Variants in RAB11FIP4 observed in about 807,000 individuals in gnomAD.
RAB11FIP4 encodes rab11 family-interacting protein 4.
A neutral mutation model predicts 74.3 loss-of-function variants in RAB11FIP4; 23 were observed. The ratio of observed to expected loss-of-function variants is 0.31; its 90% CI spans 0.22 to 0.44. The LOEUF (loss-of-function observed/expected upper bound fraction) is 0.44. Ranked by LOEUF, RAB11FIP4 falls within the 20% of genes least tolerant of loss-of-function variation. The pLI is 1.00. For synonymous variants in RAB11FIP4, 360 were observed against 359.9 expected, an observed-to-expected ratio of 1.00 and a Z score of 0.00; for missense variants, 630 against 863.9, an observed-to-expected ratio of 0.73 and a Z score of 3.39.
At chr17:31,478,262 G>A (rs1567669296) in intron 3 of RAB11FIP4, among the ~76,000 whole-genome samples, 1 of 152,132 alleles carries the variant, frequency 6.6e-6, no homozygotes, top group Non-Finnish European at 1.5e-5. Context: ...CAAAGTGCTG[G>A]GATTACAGGC....
chr17:31,530,582 C>T lies in RAB11FIP4; in HGVS notation c.1797+113C>T, dbSNP rs1196245620. On this transcript the variant is annotated intron_variant, in intron 14 of 14. Coordinates refer to ENST00000621161, the MANE Select transcript of RAB11FIP4 (RefSeq NM_032932.6). The stretch of plus-strand genomic sequence containing the variant: ...CAGACCAGGGCCTGGCAGAGAGTCC[C>T]ATCTACAGCTACCCCACATGACAGG... The T allele has an allele frequency of 3.0e-6, 4 of 1,352,668 alleles. No homozygotes were observed. The South Asian group carries it at 5.3e-5, about 18-fold the overall frequency. 83.8% of individuals were successfully genotyped at this position (1,352,668 alleles called of 1,614,324 possible).
At chr17:31,466,401 C>G (rs1284722003) in intron 3 of RAB11FIP4, among the ~76,000 whole-genome samples, 1 of 152,092 alleles carries the variant, frequency 6.6e-6, no homozygotes, top group Non-Finnish European at 1.5e-5. Flanking sequence ...TGCCTTCCTC[C>G]TAAGGTGTTA....
intron 9 of RAB11FIP4, 79 bp from the exon 10 acceptor site, chr17:31,525,011 C>T: frequency 1.3e-6 from 2 of 1,527,302 alleles, no homozygotes; most frequent in African/African-American, 1.4e-5. Context: ...GTCTCGGGGC[C>T]CAGGGTCCCC....
Position 31,532,517 on chromosome 17 carries a change from A to G in RAB11FIP4, c.*785A>G, listed in dbSNP as rs2072889070. 1 of 152,658 alleles carries G rather than the reference A, an allele frequency of 6.6e-6. No homozygotes were observed. The highest frequency in any genetic ancestry group is 6.5e-5 in the Admixed American group (1 of 15,274). The allele number at this position is 152,658 out of a possible 1,614,324, so 9.5% of individuals were successfully genotyped here. A position where few individuals can be genotyped will look rare whatever the true frequency, so the allele number is the denominator to read the frequency against. The stretch of plus-strand genomic sequence containing the variant: ...TTGTAACATGAAGGGATAAAAATGA[A>G]GGAGAAGGAGGGTTTGGGATGGGTG... On this transcript the variant is annotated 3_prime_UTR_variant, in exon 15 of 15. Transcript: ENST00000621161.
intron 3 of RAB11FIP4, among the ~76,000 whole-genome samples, chr17:31,479,942 T>C (rs181935978): frequency 6.6e-6 from 1 of 152,292 alleles, no homozygotes; most frequent in East Asian, 1.9e-4. Context: ...TAGGCCTAGA[T>C]AATTGTTTTA....
intron 7 of RAB11FIP4, chr17:31,522,900 C>T (rs1313510057): frequency 5.6e-6 from 1 of 179,354 alleles, no homozygotes; most frequent in African/African-American, 2.4e-5. Flanking sequence ...GGGTTGGCCT[C>T]TTGGCAGAGA....
chr17:31,425,235 A>G (rs2071236340), intron 1 of RAB11FIP4, among the ~76,000 whole-genome samples: 1 of 152,224 alleles, frequency 6.6e-6, no homozygotes. Context: ...ATATGCATAG[A>G]GCGCTCAGAA....
intron 3 of RAB11FIP4, among the ~76,000 whole-genome samples, chr17:31,445,556 ATATATATATATATATATATATATTTTTTT>A (rs1267631349): frequency 0.073 from 1,386 of 18,912 alleles, 106 homozygotes; most frequent in South Asian, 0.23. Flanking sequence ...ATATATATAT[ATATATATATATATATATATATATTTTTTT>A]TTTTTTTTTT....
chr17:31,421,038 C>T (rs543174835), intron 1 of RAB11FIP4, among the ~76,000 whole-genome samples: 42 of 152,176 alleles, frequency 2.8e-4, no homozygotes, highest in African/African-American at 9.6e-4. Context: ...GAGCCGAGAT[C>T]ACGCCATTGC....
intron 3 of RAB11FIP4, among the ~76,000 whole-genome samples, chr17:31,453,368 A>AC (rs2071544117): frequency 6.7e-6 from 1 of 148,606 alleles, no homozygotes; most frequent in South Asian, 2.1e-4. Context: ...AAAAAAAAAA[A>AC]AAAAAAAAAA....
intron 3 of RAB11FIP4, among the ~76,000 whole-genome samples, chr17:31,490,286 C>A (rs2071983304): frequency 6.6e-6 from 1 of 152,164 alleles, no homozygotes; most frequent in African/African-American, 2.4e-5. Flanking sequence ...CTTGCAACTC[C>A]CTCCTTCATC....
chr17:31,406,559 C>T (rs1011326679), intron 1 of RAB11FIP4, among the ~76,000 whole-genome samples: 5 of 152,244 alleles, frequency 3.3e-5, no homozygotes, highest in African/African-American at 1.2e-4. Context: ...GTATTTGTTT[C>T]TGCCAGTTTG....
chr17:31,419,654 C>A (rs2071180926), intron 1 of RAB11FIP4, among the ~76,000 whole-genome samples: 1 of 151,604 alleles, frequency 6.6e-6, no homozygotes, highest in Non-Finnish European at 1.5e-5. Context: ...GGGTTCACGC[C>A]ATTCTCCTGC....
chr17:31,463,850 G>C (rs1014078144), intron 3 of RAB11FIP4, among the ~76,000 whole-genome samples: 2 of 91,736 alleles, frequency 2.2e-5, no homozygotes, highest in Non-Finnish European at 4.0e-5. Context: ...GTCTTTCTCT[G>C]TTGTCCAGGC....
Position 31,517,777 on chromosome 17 carries a change from A to G in RAB11FIP4, c.463A>G (p.Thr155Ala), listed in dbSNP as rs753539539. The change falls in exon 4 of 15, where the codon ACA (threonine) becomes GCA (alanine). Residue 155 changes from threonine (T) to alanine (A), a missense_variant. Coordinates refer to ENST00000621161, the MANE Select transcript of RAB11FIP4 (RefSeq NM_032932.6). ...APPEGPQELY[T>A]DSPMESTQSL... ...ACCTGAGGGCCCCCAGGAGTTGTACACAGACAGCCCCATGGAGAGCACTCA... is the reference window on the plus strand; with the variant it reads ...ACCTGAGGGCCCCCAGGAGTTGTACGCAGACAGCCCCATGGAGAGCACTCA... The G allele has an allele frequency of 1.3e-6, 2 of 1,563,762 alleles. No individual in the cohort carries two copies. The highest frequency in any genetic ancestry group is 2.4e-5 in the South Asian group (2 of 84,942).
intron 1 of RAB11FIP4, among the ~76,000 whole-genome samples, chr17:31,423,866 T>C (rs1318062613): frequency 6.6e-6 from 1 of 151,998 alleles, no homozygotes; most frequent in East Asian, 1.9e-4. Context: ...CTTTTTCTCA[T>C]TTTTTTCCAG....
intron 3 of RAB11FIP4, among the ~76,000 whole-genome samples, chr17:31,442,344 G>C (rs1395604365): frequency 6.6e-6 from 1 of 152,196 alleles, no homozygotes; most frequent in Non-Finnish European, 1.5e-5. Context: ...ATGAACAAAA[G>C]CAGTGTAATA....
intron 3 of RAB11FIP4, among the ~76,000 whole-genome samples, chr17:31,469,049 C>A (rs747174759): frequency 1.3e-5 from 2 of 152,124 alleles, no homozygotes; most frequent in Non-Finnish European, 2.9e-5. Flanking sequence ...ACAGAATAAG[C>A]CCCTCGTAAG....
chr17:31,511,541 T>C (rs2072452373), intron 3 of RAB11FIP4, among the ~76,000 whole-genome samples: 1 of 152,230 alleles, frequency 6.6e-6, no homozygotes, highest in Non-Finnish European at 1.5e-5. Context: ...CCACTGGGGT[T>C]CTGACATGTA....
Sources: allele counts gnomAD v4.1 joint callset (sites outside exome capture counted in the v4.1 genomes callset), GRCh38; gene constraint gnomAD v4.1.1; transcripts MANE v1.5; gene names NCBI Gene and HGNC (gene_info 2026-07-23, HGNC 2026-07-21).